The following EGLN3 variants were observed in gnomAD, a reference collection of about 807,000 sequenced individuals.
The protein encoded by EGLN3 is prolyl hydroxylase EGLN3.
In EGLN3, 15 loss-of-function variants were observed where a neutral mutation model predicts 26.0. The ratio of observed to expected loss-of-function variants is 0.58; its 90% confidence interval spans 0.39 to 0.89. EGLN3 has a LOEUF of 0.89. Among genes scored for constraint, EGLN3 ranks in the 40% least tolerant of loss-of-function variants. The pLI is 0.00. For missense variants in EGLN3, 238 were observed against 311.6 expected, an observed-to-expected ratio of 0.76 and a Z score of 1.78; for synonymous variants, 147 against 127.2, an observed-to-expected ratio of 1.16 and a Z score of -1.05.
intron 1 of EGLN3, among the ~76,000 whole-genome samples, chr14:33,941,724 A>C (rs965225361): frequency 1.3e-5 from 2 of 152,226 alleles, no homozygotes; most frequent in Non-Finnish European, 2.9e-5. Context: ...GGAATTTCTA[A>C]GCACACGGTG....
rs563058315 is a variant in EGLN3 at position 33,938,297 on chromosome 14, A to G, written c.358-7082T>C. Among the ~76,000 whole-genome samples, 4 of 152,276 alleles carry G rather than the reference A, an allele frequency of 2.6e-5. No homozygotes were observed. In the East Asian group the frequency reaches 7.7e-4, roughly 29 times the overall value. ...TCAGAGGCCAGGAATTTAAGAGACT[A>G]TTGTCATTCCTTTCTGCATTGTGGT... On this transcript the variant is annotated intron_variant, in intron 1 of 4. Transcript: ENST00000250457.
chr14:33,950,010 T>C (rs922146991), intron 1 of EGLN3: 11 of 480,114 alleles, frequency 2.3e-5, no homozygotes, highest in Non-Finnish European at 1.5e-5. Context: ...GGCTTTAAAG[T>C]AGGCATTTAA....
At chr14:33,937,713 A>G (rs771955156) in intron 1 of EGLN3, among the ~76,000 whole-genome samples, 2 of 152,234 alleles carry the variant, frequency 1.3e-5, no homozygotes, top group Non-Finnish European at 2.9e-5. Context: ...CACACTAAAA[A>G]TAATTCCTCT....
chr14:33,933,941 C>T (rs1217404437), intron 1 of EGLN3, among the ~76,000 whole-genome samples: 3 of 152,120 alleles, frequency 2.0e-5, no homozygotes, highest in Admixed American at 2.0e-4. Flanking sequence ...AACAAACATG[C>T]CAAGCAATAA....
rs35754061 is a variant in EGLN3, at chr14:33,924,941, T to TAAAAAAAAAAAAAAAAAAA, written c.*931_*949dup. The TAAAAAAAAAAAAAAAAAAA allele has an allele frequency of 7.7e-5, 8 of 103,320 alleles. No homozygotes were observed. Among genetic ancestry groups the TAAAAAAAAAAAAAAAAAAA allele is most frequent in the South Asian group, 3.8e-4 (1 of 2,636 alleles). The allele number at this position is 103,320 out of a possible 1,614,324, so 6.4% of individuals were successfully genotyped here. A position where few individuals can be genotyped will look rare whatever the true frequency, so the allele number is the denominator to read the frequency against. On this transcript the variant is annotated 3_prime_UTR_variant, in exon 5 of 5. Transcript: ENST00000250457. ...GGGTGAGCTCATTAAAAAGGAAAAC[T>TAAAAAAAAAAAAAAAAAAA]AAAAAAAAAAAAAAAAAAAAAACAG...
intron 4 of EGLN3, 62 bp downstream of exon 4, chr14:33,926,898 A>G (rs1261409266): frequency 7.8e-7 from 1 of 1,280,032 alleles, no homozygotes. Flanking sequence ...AAACTACATA[A>G]AATTGAATAA....
In EGLN3 at chr14:33,925,807, A is replaced by G; in HGVS notation, c.*84T>C. 1.3e-6 allele frequency: 2 copies of G among 1,485,014 alleles called. No individual in the cohort carries two copies. The highest frequency in any genetic ancestry group is 3.4e-5 in the Admixed American group (2 of 59,370). The allele number at this position is 1,485,014 out of a possible 1,614,324, so 92.0% of individuals were successfully genotyped here. ...AGCAGGGAGATTGTTGTCACTGAAGAGGCCATCTTTGGATCTCAAAGAATT... is the reference window on the plus strand; with the variant it reads ...AGCAGGGAGATTGTTGTCACTGAAGGGGCCATCTTTGGATCTCAAAGAATT... On this transcript the variant is annotated 3_prime_UTR_variant, in exon 5 of 5. Transcript: ENST00000250457.
chr14:33,926,002 A>C (rs1441702428), intron 4 of EGLN3, 80 bp from the exon 5 acceptor site: 8 of 1,415,488 alleles, frequency 5.7e-6, no homozygotes, highest in Non-Finnish European at 6.0e-6. Context: ...GTCACCAAAA[A>C]GCCTCCAGTA....
chr14:33,929,026 A>C (rs779754604), intron 3 of EGLN3, 50 bp downstream of exon 3: 2 of 1,600,868 alleles, frequency 1.2e-6, no homozygotes, highest in South Asian at 2.2e-5. Flanking sequence ...CTCTGGAACT[A>C]GGGTTTGTAC....
chr14:33,950,535 A>C lies in EGLN3; in HGVS notation c.218T>G (p.Leu73Arg). The C allele has an allele frequency of 6.2e-7, 1 of 1,613,374 alleles. No homozygotes were observed. Among genetic ancestry groups the C allele is most frequent in the Non-Finnish European group, 8.5e-7 (1 of 1,179,870 alleles). Residue 73 changes from leucine (L) to arginine (R), a missense_variant, in exon 1 of 5, where the codon CTG becomes CGG. Coordinates refer to ENST00000250457, the MANE Select transcript of EGLN3 (RefSeq NM_022073.4). ...GATCCACGTGATCTGGTCGCCCCGC[A>C]GGTGTCGCTTGGAGACGCCGGCGCG... is the stretch of plus-strand genomic sequence containing the variant. ...GPRAGVSKRH[L>R]RGDQITWIGG...
intron 1 of EGLN3, among the ~76,000 whole-genome samples, chr14:33,936,828 A>T (rs2064446523): frequency 6.6e-6 from 1 of 152,220 alleles, no homozygotes; most frequent in South Asian, 2.1e-4. Context: ...TTAAAAAAAA[A>T]AAAATCTAAA....
intron 1 of EGLN3, among the ~76,000 whole-genome samples, chr14:33,945,481 G>A (rs1409850479): frequency 5.9e-5 from 9 of 152,212 alleles, no homozygotes; most frequent in Admixed American, 5.9e-4. Context: ...AGGGATCCAG[G>A]AATGTTACTG....
At chr14:33,950,112 G>A in intron 1 of EGLN3, 1 of 590,636 alleles carries the variant, frequency 1.7e-6, no homozygotes, top group South Asian at 2.1e-5. Context: ...CTTAAAATCG[G>A]ACCACAGCCA....
At position 33,950,686 on chromosome 14, in the gene EGLN3, G is replaced by A. The variant is rs770864239; in HGVS notation, c.67C>T (p.Leu23=). 63 of 1,613,970 alleles carry A rather than the reference G, an allele frequency of 3.9e-5. No individual in the cohort carries two copies. In the Admixed American group the frequency reaches 1.0e-3, roughly 26 times the overall value. Residue 23 remains leucine (L), a synonymous_variant, in exon 1 of 5, where the codon CTG becomes TTG. Coordinates refer to ENST00000250457, the MANE Select transcript of EGLN3 (RefSeq NM_022073.4). ...AGGTAGCAGAAGCCCACCTCGTGCA[G>A]ACAGGGCACGATGTACTCCAGGGCA... is the stretch of plus-strand genomic sequence containing the variant. ...KIALEYIVPC[L]HEVGFCYLDN...
chr14:33,929,524 G>A (rs1223442254), intron 2 of EGLN3, among the ~76,000 whole-genome samples: 1 of 152,126 alleles, frequency 6.6e-6, no homozygotes, highest in East Asian at 1.9e-4. Flanking sequence ...AGTTAATTTT[G>A]TATTTTTAGT....
intron 1 of EGLN3, among the ~76,000 whole-genome samples, chr14:33,943,027 A>G (rs1279824520): frequency 6.6e-6 from 1 of 152,236 alleles, no homozygotes; most frequent in East Asian, 1.9e-4. Flanking sequence ...GGGCAGGAAA[A>G]CGTAGTCACT....
intron 1 of EGLN3, among the ~76,000 whole-genome samples, chr14:33,947,968 A>C (rs899165426): frequency 5.3e-5 from 8 of 152,146 alleles, no homozygotes; most frequent in Non-Finnish European, 1.2e-4. Flanking sequence ...GAATCACTTG[A>C]ACCCAGGAGG....
chr14:33,932,489 G>A (rs1015217591), intron 1 of EGLN3, among the ~76,000 whole-genome samples: 10 of 152,052 alleles, frequency 6.6e-5, no homozygotes, highest in Non-Finnish European at 1.0e-4. Context: ...GCTTCAACGT[G>A]GCTGCCGAGT....
intron 2 of EGLN3, 63 bp from the exon 3 acceptor site, chr14:33,929,275 T>G: frequency 6.3e-7 from 1 of 1,582,136 alleles, no homozygotes; most frequent in Non-Finnish European, 8.6e-7. Flanking sequence ...ACAACCATAT[T>G]TCAGCTCCAT....
Sources: gnomAD v4.1 joint callset for allele counts (sites outside exome capture counted in the v4.1 genomes callset) on GRCh38, gnomAD v4.1.1 for gene constraint, MANE v1.5 for transcripts, NCBI Gene and HGNC (gene_info 2026-07-23, HGNC 2026-07-21) for gene names.